Variants in THSD7B observed in about 807,000 individuals in gnomAD.
THSD7B encodes thrombospondin type 1 domain containing 7B.
Under a neutral mutation model 213.6 loss-of-function variants are expected in THSD7B, and 138 were observed. That is an observed-to-expected ratio of 0.65 (90% CI 0.56 to 0.74). THSD7B has a LOEUF of 0.74. THSD7B is among the 30% of genes least tolerant of loss of function. THSD7B has a pLI of 0.00. For synonymous variants in THSD7B, 742 were observed against 687.0 expected (o/e 1.08, Z -1.25); for missense variants, 1,931 against 1,991.5 (o/e 0.97, Z 0.58).
At chr2:137,368,863 T>C (rs1685479920) in intron 12 of THSD7B, among the ~76,000 whole-genome samples, 1 of 152,030 alleles carries the variant, frequency 6.6e-6, no homozygotes, top group Non-Finnish European at 1.5e-5. Flanking sequence ...ATTACCATCA[T>C]CTAATTTTCA....
At position 137,300,133 on chromosome 2, in the gene THSD7B, A is replaced by G. The variant is rs140729220; in HGVS notation, c.2500+24107A>G. 3.0e-3 allele frequency among the ~76,000 whole-genome samples: 457 copies of G among 152,308 alleles called. 3 individuals are homozygous for G. Among genetic ancestry groups the G allele is most frequent in the African/African-American group, 0.011 (445 of 41,580 alleles). ...CTCTACATTTCATGTGCTAAGGGAA[A>G]TCAAATAGGAATTTTATTATACTTA... On this transcript the variant is annotated intron_variant, in intron 12 of 27. Transcript: ENST00000409968.
At chr2:136,982,303 A>G (rs1291114419) in intron 2 of THSD7B, among the ~76,000 whole-genome samples, 5 of 10,720 alleles carry the variant, frequency 4.7e-4, no homozygotes, top group African/African-American at 9.7e-4. Flanking sequence ...ATTTGGTGCT[A>G]TGTGAGCAAA....
At chr2:136,936,876 T>G (rs1684743542) in intron 2 of THSD7B, among the ~76,000 whole-genome samples, 1 of 151,990 alleles carries the variant, frequency 6.6e-6, no homozygotes. Flanking sequence ...AACTACATCT[T>G]CCTAAATGCC....
chr2:137,358,995 C>T (rs10176697), intron 12 of THSD7B, among the ~76,000 whole-genome samples: 7,308 of 152,266 alleles, frequency 0.048, 532 homozygotes, highest in African/African-American at 0.16. Context: ...AACACATATT[C>T]CTCAACTGAA....
At chr2:137,168,153 T>C (rs1420033120) in intron 6 of THSD7B, among the ~76,000 whole-genome samples, 1 of 152,220 alleles carries the variant, frequency 6.6e-6, no homozygotes, top group Non-Finnish European at 1.5e-5. Flanking sequence ...AGTTTATGCA[T>C]GTGCCTTTTT....
chr2:137,619,882 G>A (rs1348216268), intron 19 of THSD7B, among the ~76,000 whole-genome samples: 1 of 152,150 alleles, frequency 6.6e-6, no homozygotes, highest in Non-Finnish European at 1.5e-5. Context: ...ATATTAGCTT[G>A]GTAAGGATAT....
intron 15 of THSD7B, among the ~76,000 whole-genome samples, chr2:137,506,036 T>G: frequency 6.6e-6 from 1 of 152,150 alleles, no homozygotes; most frequent in East Asian, 1.9e-4. Context: ...GACTCTGGAT[T>G]GGTCTGTTTG....
At chr2:137,236,179 T>G (rs999337360) in intron 9 of THSD7B, among the ~76,000 whole-genome samples, 13 of 152,014 alleles carry the variant, frequency 8.6e-5, no homozygotes, top group African/African-American at 1.5e-4. Context: ...GATAGAGAAA[T>G]GGAAAGGAAG....
At chr2:137,010,453 C>T (rs551626250) in intron 2 of THSD7B, among the ~76,000 whole-genome samples, 4 of 152,010 alleles carry the variant, frequency 2.6e-5, no homozygotes, top group Non-Finnish European at 4.4e-5. Flanking sequence ...TCCCCTGACA[C>T]GGTTATGGGT....
At chr2:137,220,346 A>T (rs183029457) in intron 7 of THSD7B, among the ~76,000 whole-genome samples, 87 of 152,348 alleles carry the variant, frequency 5.7e-4, no homozygotes, top group Admixed American at 1.0e-3. Context: ...ATAAAAAAAA[A>T]TCCCAATTAA....
chr2:137,027,107 G>A (rs1686569827), intron 2 of THSD7B, among the ~76,000 whole-genome samples: 1 of 152,124 alleles, frequency 6.6e-6, no homozygotes, highest in Non-Finnish European at 1.5e-5. Context: ...GCCATTCACT[G>A]CGTGGTTATT....
intron 12 of THSD7B, among the ~76,000 whole-genome samples, chr2:137,286,564 G>T (rs1013260375): frequency 1.3e-5 from 2 of 152,102 alleles, no homozygotes; most frequent in Non-Finnish European, 2.9e-5. Flanking sequence ...ATTTTCTGCC[G>T]TAGCCATCTA....
At chr2:136,805,624 G>A (rs1682267770) in intron 1 of THSD7B, among the ~76,000 whole-genome samples, 1 of 151,914 alleles carries the variant, frequency 6.6e-6, no homozygotes, top group African/African-American at 2.4e-5. Flanking sequence ...TGAGCTCCAG[G>A]AAGCAGAACC....
intron 1 of THSD7B, among the ~76,000 whole-genome samples, chr2:136,812,733 G>A (rs1220257256): frequency 1.3e-5 from 2 of 152,038 alleles, no homozygotes; most frequent in Non-Finnish European, 2.9e-5. Flanking sequence ...AGCAGAATTC[G>A]GCCTCAGGCT....
chr2:137,430,555 A>T (rs1259086222), intron 14 of THSD7B, among the ~76,000 whole-genome samples: 2 of 152,208 alleles, frequency 1.3e-5, no homozygotes, highest in Non-Finnish European at 2.9e-5. Flanking sequence ...CTCCTGCCTG[A>T]GGGTGGAAGA....
intron 2 of THSD7B, chr2:136,991,083 A>G (rs534156387): frequency 3.5e-6 from 2 of 578,302 alleles, no homozygotes; most frequent in East Asian, 6.8e-5. Flanking sequence ...ATGAAGTTCA[A>G]TAGAAAGGCT....
chr2:137,437,591 A>C (rs1008219370), intron 14 of THSD7B, among the ~76,000 whole-genome samples: 1 of 152,216 alleles, frequency 6.6e-6, no homozygotes, highest in Admixed American at 6.5e-5. Flanking sequence ...AACAGATTAC[A>C]GAAGTCCCTA....
chr2:136,938,620 A>G (rs1005988298), intron 2 of THSD7B, among the ~76,000 whole-genome samples: 3 of 152,204 alleles, frequency 2.0e-5, no homozygotes, highest in African/African-American at 7.2e-5. Context: ...GCCAATGATA[A>G]TGTAATGTTC....
chr2:137,313,599 T>C (rs1345288507), intron 12 of THSD7B, among the ~76,000 whole-genome samples: 6 of 151,548 alleles, frequency 4.0e-5, no homozygotes, highest in African/African-American at 9.7e-5. Flanking sequence ...TTCTTCCTAG[T>C]CTCGATGGTC....
Sources: gnomAD v4.1 joint callset for allele counts (sites outside exome capture counted in the v4.1 genomes callset) on GRCh38, gnomAD v4.1.1 for gene constraint, MANE v1.5 for transcripts, NCBI Gene and HGNC (gene_info 2026-07-23, HGNC 2026-07-21) for gene names.